Variants in DAPK1 observed in about 807,000 individuals in gnomAD.
DAPK1 encodes the protein death associated protein kinase 1.
DAPK1 carries 56 observed loss-of-function variants against 144.9 expected under a neutral mutation model. That is an observed-to-expected ratio of 0.39 (90% CI 0.31 to 0.48). DAPK1 has a LOEUF of 0.48. Among genes scored for constraint, DAPK1 ranks in the 20% least tolerant of loss-of-function variants. The pLI is 0.95. For missense variants in DAPK1, 1,454 were observed against 1,875.4 expected, an observed-to-expected ratio of 0.78 and a Z score of 4.15; for synonymous variants, 690 against 749.0, an observed-to-expected ratio of 0.92 and a Z score of 1.29.
chr9:87,570,441 A>G (rs915789197), intron 2 of DAPK1, among the ~76,000 whole-genome samples: 2 of 152,230 alleles, frequency 1.3e-5, no homozygotes, highest in African/African-American at 2.4e-5. Context: ...GCCTCTTTTT[A>G]TATCATCAAA....
intron 2 of DAPK1, among the ~76,000 whole-genome samples, chr9:87,582,297 G>A (rs935697591): frequency 1.3e-5 from 2 of 152,162 alleles, no homozygotes; most frequent in Admixed American, 6.5e-5. Flanking sequence ...GGCTAGGTAT[G>A]TCATGAAAAA....
At chr9:87,589,787 T>C (rs1828061495) in intron 2 of DAPK1, among the ~76,000 whole-genome samples, 1 of 152,182 alleles carries the variant, frequency 6.6e-6, no homozygotes, top group Non-Finnish European at 1.5e-5. Context: ...ATATGACATA[T>C]TGAATGAAGT....
intron 3 of DAPK1, among the ~76,000 whole-genome samples, chr9:87,622,171 C>T (rs1331506400): frequency 6.6e-6 from 1 of 151,884 alleles, no homozygotes; most frequent in African/African-American, 2.4e-5. Flanking sequence ...TATGGTACCT[C>T]CCCCATCCAT....
chr9:87,650,228 ACTGTAATTACCCCGTCTCTTCT>A, intron 16 of DAPK1, 110 bp downstream of exon 16: 1 of 1,004,754 alleles, frequency 1.0e-6, no homozygotes. Flanking sequence ...AATGCAGCAA[ACTGTAATTACCCCGTCTCTTCT>A]CTGTTCCAAA....
chr9:87,695,932 T>G (rs77054505), intron 21 of DAPK1, among the ~76,000 whole-genome samples: 8,547 of 152,258 alleles, frequency 0.056, 612 homozygotes, highest in African/African-American at 0.15. Flanking sequence ...ACAAACCTAA[T>G]GTGGGCAGTT....
intron 2 of DAPK1, among the ~76,000 whole-genome samples, chr9:87,534,257 T>G (rs910172160): frequency 1.5e-3 from 52 of 34,972 alleles, no homozygotes; most frequent in African/African-American, 0.011. Flanking sequence ...TTTTTTTTTT[T>G]GTTTTTTTTT....
intron 2 of DAPK1, among the ~76,000 whole-genome samples, chr9:87,529,211 T>C (rs1362265695): frequency 6.6e-6 from 1 of 152,236 alleles, no homozygotes. Context: ...AAGTGTACTT[T>C]ACTTCCTTTC....
At chr9:87,605,338 C>G (rs997583967) in intron 3 of DAPK1, among the ~76,000 whole-genome samples, 163 bp downstream of exon 3, 5 of 152,198 alleles carry the variant, frequency 3.3e-5, no homozygotes, top group African/African-American at 1.2e-4. Context: ...ACCTGAAACC[C>G]AGCTGCAGGG....
Position 87,706,735 on chromosome 9 carries a change from G to T in DAPK1, c.3664G>T (p.Val1222Phe). Residue 1222 changes from valine to phenylalanine, a missense_variant, in exon 26 of 26, where the codon GTC (valine) becomes TTC (phenylalanine). Transcript: ENST00000408954. This position sits in a 1 kb window ranked among gnomAD's most constrained non-coding sequence, Gnocchi z 9.0. Reference protein sequence around the residue: ...LDSVCSTIENVMATTLPGLLT... With the variant: ...LDSVCSTIENFMATTLPGLLT... ...CTCGGTGTGCAGCACCATTGAGAACGTCATGGCCACCACGCTGCCAGGGCT... is the reference window on the plus strand; with the variant it reads ...CTCGGTGTGCAGCACCATTGAGAACTTCATGGCCACCACGCTGCCAGGGCT... 1.2e-6 allele frequency: 2 copies of T among 1,613,274 alleles called. No homozygotes were observed. Among genetic ancestry groups the T allele is most frequent in the East Asian group, 2.2e-5 (1 of 44,856 alleles).
chr9:87,683,793 C>A lies in DAPK1; in HGVS notation c.2224+2167C>A, dbSNP rs572674521. ...CCAGGGATCGGGGAGGGGGTCCTGG[C>A]GCGGGGGCAGAAGCCCCTCTGCATG... On this transcript the variant is annotated intron_variant, in intron 20 of 25. Transcript: ENST00000408954. Among the ~76,000 whole-genome samples, 40 of 152,290 alleles carry A rather than the reference C, an allele frequency of 2.6e-4. No homozygotes were observed. The South Asian group carries it at 8.1e-3, about 31-fold the overall frequency.
chr9:87,599,721 A>T (rs1164355079), intron 2 of DAPK1, among the ~76,000 whole-genome samples: 3 of 152,166 alleles, frequency 2.0e-5, no homozygotes, highest in African/African-American at 7.2e-5. Flanking sequence ...TTTTTGGGGA[A>T]AAAAAGTTGG....
intron 18 of DAPK1, among the ~76,000 whole-genome samples, chr9:87,663,834 G>C (rs777740688): frequency 9.9e-5 from 15 of 152,026 alleles, no homozygotes; most frequent in Non-Finnish European, 5.9e-5. Flanking sequence ...CCTCTGCAAA[G>C]GGCTTCCGCA....
chr9:87,654,246 G>C (rs1040506659), intron 17 of DAPK1, among the ~76,000 whole-genome samples: 1 of 152,132 alleles, frequency 6.6e-6, no homozygotes, highest in Non-Finnish European at 1.5e-5. Context: ...GCAGATTCCT[G>C]TGATTTTGGC....
intron 9 of DAPK1, among the ~76,000 whole-genome samples, 199 bp downstream of exon 9, chr9:87,641,046 G>A (rs1043804267): frequency 6.6e-6 from 1 of 152,138 alleles, no homozygotes; most frequent in African/African-American, 2.4e-5. Context: ...AGAGGAATAA[G>A]CGAGCACAGA....
At chr9:87,704,770 TAGAC>T (rs1235797658) in intron 25 of DAPK1, among the ~76,000 whole-genome samples, 2 of 152,146 alleles carry the variant, frequency 1.3e-5, no homozygotes, top group Non-Finnish European at 2.9e-5. Context: ...AATAGACTCT[TAGAC>T]AGGGGGCATC....
In DAPK1 at chr9:87,591,952, T is replaced by C. The variant is rs1427732077; in HGVS notation, c.63-13002T>C. 4.6e-5 allele frequency among the ~76,000 whole-genome samples: 7 copies of C among 152,268 alleles called. No homozygotes were observed. In the South Asian group the frequency reaches 1.0e-3, roughly 23 times the overall value. ...GTAGAAAGTCTAAACAGGGGGCCTG[T>C]GGTGATACACGTGTAACTAGAGGCA... On this transcript the variant is annotated intron_variant, in intron 2 of 25. Coordinates refer to ENST00000408954, the MANE Select transcript of DAPK1 (RefSeq NM_004938.4).
At chr9:87,643,530 C>G (rs1830168044) in intron 11 of DAPK1, 62 bp downstream of exon 11, 2 of 1,103,514 alleles carry the variant, frequency 1.8e-6, no homozygotes, top group African/African-American at 3.1e-5. Flanking sequence ...AATGACCAAG[C>G]TGTTCTATTT....
chr9:87,534,686 C>T (rs1440189374), intron 2 of DAPK1, among the ~76,000 whole-genome samples: 1 of 151,184 alleles, frequency 6.6e-6, no homozygotes, highest in Non-Finnish European at 1.5e-5. Flanking sequence ...GCTCTGTCAC[C>T]CAGACTGGAG....
intron 3 of DAPK1, among the ~76,000 whole-genome samples, chr9:87,616,206 A>T (rs1480804518): frequency 6.6e-6 from 1 of 152,158 alleles, no homozygotes; most frequent in African/African-American, 2.4e-5. Context: ...CTAGTTTTCC[A>T]GTGGGATTGC....
Sources: allele counts gnomAD v4.1 joint callset (sites outside exome capture counted in the v4.1 genomes callset), GRCh38; gene constraint gnomAD v4.1.1; non-coding constraint Gnocchi (gnomAD v3.1); transcripts MANE v1.5; gene names NCBI Gene and HGNC (gene_info 2026-07-23, HGNC 2026-07-21).